Variants in MROH1 observed in about 807,000 individuals in gnomAD.
The protein encoded by MROH1 is maestro heat-like repeat-containing protein family member 1.
Under a neutral mutation model 116.5 loss-of-function variants are expected in MROH1, and 117 were observed. That is an observed-to-expected ratio of 1.00 (90% confidence interval 0.86 to 1.17). The LOEUF (loss-of-function observed/expected upper bound fraction) is 1.17, where lower values mean the gene tolerates loss of function less well. Ranked by LOEUF, MROH1 falls within the 50% of genes most tolerant of loss-of-function variation. MROH1 has a pLI of 0.00. For missense variants in MROH1, 1,873 were observed against 1,338.5 expected (o/e 1.40, Z -6.23); for synonymous variants, 921 against 583.9 (o/e 1.58, Z -8.32).
At chr8:144,241,775 C>T (rs1397498203) in intron 22 of MROH1, among the ~76,000 whole-genome samples, 4 of 152,206 alleles carry the variant, frequency 2.6e-5, no homozygotes, top group Non-Finnish European at 4.4e-5. Context: ...GAGGGGTTCG[C>T]GGCTGGGGCA....
intron 4 of MROH1, among the ~76,000 whole-genome samples, chr8:144,177,521 T>C (rs1824318002): frequency 6.6e-6 from 1 of 152,166 alleles, no homozygotes; most frequent in Admixed American, 6.6e-5. Flanking sequence ...GTAGCACTTC[T>C]CCTATGTGGG....
Position 144,250,329 on chromosome 8 carries a change from G to A in MROH1, c.3391G>A (p.Val1131Met), listed in dbSNP as rs952456110. ...GGCCACCCAGCACTGCGCAGCCGTGGTGTCCAGCCTCCTGGGCAGCCCCTT... is the reference window on the plus strand; with the variant it reads ...GGCCACCCAGCACTGCGCAGCCGTGATGTCCAGCCTCCTGGGCAGCCCCTT... ...LLATQHCAAV[V>M]SSLLGSPLPL... The change falls in exon 33 of 44, where the codon GTG becomes ATG. Residue 1131 changes from valine to methionine, a missense_variant. Physicochemically the swap from Val to Met is conservative, Grantham distance 21. Transcript: ENST00000326134. The A allele has an allele frequency of 1.3e-5, 10 of 768,016 alleles. No individual in the cohort carries two copies. Among genetic ancestry groups the A allele is most frequent in the African/African-American group, 1.0e-4 (6 of 58,964 alleles). The allele number at this position is 768,016 out of a possible 1,614,324, so 47.6% of individuals were successfully genotyped here. A position where few individuals can be genotyped will look rare whatever the true frequency, so the allele number is the denominator to read the frequency against.
At chr8:144,242,274 C>T (rs1156665415) in intron 22 of MROH1, 95 bp from the exon 23 acceptor site, 19 of 777,198 alleles carry the variant, frequency 2.4e-5, no homozygotes, top group Non-Finnish European at 4.5e-5. Flanking sequence ...TCTGGCCCTT[C>T]TTCTGGGAGG....
intron 37 of MROH1, among the ~76,000 whole-genome samples, chr8:144,259,631 C>T (rs1844604192): frequency 6.6e-6 from 1 of 152,238 alleles, no homozygotes; most frequent in Non-Finnish European, 1.5e-5. Context: ...AGGGCTGGCC[C>T]CTGGGACCCC....
At chr8:144,243,988 CGTGCATGTGT>C in intron 26 of MROH1, 46 bp downstream of exon 26, 1 of 766,950 alleles carries the variant, frequency 1.3e-6, no homozygotes, top group Non-Finnish European at 2.4e-6. Flanking sequence ...TGCGTGTGTG[CGTGCATGTGT>C]GTGCATTGTG....
In MROH1 at chr8:144,179,506, A is replaced by G. The variant is rs773145263; in HGVS notation, c.220A>G (p.Ser74Gly). 1.2e-6 allele frequency: 2 copies of G among 1,613,598 alleles called. No individual in the cohort carries two copies. The highest frequency in any genetic ancestry group is 2.2e-5 in the South Asian group (2 of 91,082). The part of the protein sequence containing the change: ...AVLRAMERVL[S>G]SRASELDKDT... ...CCTGAGGGCCATGGAGAGGGTCCTG[A>G]GCAGTCGCGCCAGTGAGCTGGACAA... The change falls in exon 5 of 44, where the codon AGC (serine) becomes GGC (glycine). Residue 74 changes from serine to glycine, a missense_variant. Coordinates refer to ENST00000326134, the MANE Select transcript of MROH1 (RefSeq NM_032450.3).
At chr8:144,247,507 C>T (rs901480619) in intron 30 of MROH1, 60 bp from the exon 31 acceptor site, 33 of 760,428 alleles carry the variant, frequency 4.3e-5, no homozygotes, top group Non-Finnish European at 7.6e-5. Context: ...GTGCGGAGTC[C>T]AGGCTGTGGG....
chr8:144,172,196 C>G (rs1055324491), intron 4 of MROH1, among the ~76,000 whole-genome samples: 1 of 152,156 alleles, frequency 6.6e-6, no homozygotes, highest in East Asian at 1.9e-4. Context: ...GAATCTCCTT[C>G]CGTTTCCAGG....
intron 10 of MROH1, among the ~76,000 whole-genome samples, chr8:144,195,084 A>G (rs527377557): frequency 1.3e-5 from 2 of 149,948 alleles, no homozygotes; most frequent in South Asian, 4.2e-4. Context: ...GGTTCCAGCT[A>G]CTTGAGAGGC....
At chr8:144,221,206 G>A (rs961432611) in intron 13 of MROH1, among the ~76,000 whole-genome samples, 7 of 152,308 alleles carry the variant, frequency 4.6e-5, no homozygotes, top group Non-Finnish European at 8.8e-5. Flanking sequence ...TGGCGCCCTC[G>A]TGGCTGAGCT....
chr8:144,168,245 A>G (rs1821438134), intron 3 of MROH1, 50 bp from the exon 4 acceptor site: 2 of 1,509,696 alleles, frequency 1.3e-6, no homozygotes, highest in Non-Finnish European at 1.8e-6. Context: ...GAGGTGTGAT[A>G]GGAGAGGGCG....
In MROH1 at chr8:144,163,739, T is replaced by C; in HGVS notation, c.-56-32T>C. 7.2e-7 allele frequency: 1 copy of C among 1,395,858 alleles called. No individual in the cohort carries two copies. The allele number at this position is 1,395,858 out of a possible 1,614,324, so 86.5% of individuals were successfully genotyped here. On this transcript the variant is annotated intron_variant, in intron 2 of 43. Transcript: ENST00000326134. This position sits in a 1 kb window ranked among gnomAD's most constrained non-coding sequence, Gnocchi z 4.4. ...TGAACTCAGATATCGTAGAGGCTTA[T>C]GAATTAAATCTTGTGATTTTGGTTA...
chr8:144,221,292 G>A (rs1836689016), intron 13 of MROH1, among the ~76,000 whole-genome samples: 1 of 152,200 alleles, frequency 6.6e-6, no homozygotes, highest in Non-Finnish European at 1.5e-5. Flanking sequence ...ACCATCTGGT[G>A]TGGCCTAAGA....
chr8:144,241,335 T>A, intron 21 of MROH1, 60 bp from the exon 22 acceptor site: 1 of 726,790 alleles, frequency 1.4e-6, no homozygotes, highest in South Asian at 1.4e-5. Context: ...CGTGACAGTG[T>A]GCGTGCATGT....
chr8:144,184,779 A>G (rs1331877302), intron 7 of MROH1, among the ~76,000 whole-genome samples: 15 of 152,162 alleles, frequency 9.9e-5, no homozygotes. Flanking sequence ...AGAAGAGGTG[A>G]GAAGAGGCCC....
intron 17 of MROH1, 21 bp from the exon 18 acceptor site, chr8:144,239,593 T>C: frequency 1.3e-6 from 1 of 771,130 alleles, no homozygotes. Flanking sequence ...CAGACCCGGC[T>C]CCCACGCTGC....
In MROH1 at chr8:144,195,273, A is replaced by G. The variant is rs1202123651; in HGVS notation, c.948+2872A>G. ...TCCCAGCACTTTGGGAGGCCAAGGC[A>G]GGCAGATCACGAGGTCAGGAGATCG... On this transcript the variant is annotated intron_variant, in intron 10 of 43. Coordinates refer to ENST00000326134, the MANE Select transcript of MROH1 (RefSeq NM_032450.3). Among the ~76,000 whole-genome samples the G allele has an allele frequency of 5.4e-5, 8 of 147,180 alleles. No homozygotes were observed. In the South Asian group the frequency reaches 1.5e-3, roughly 28 times the overall value.
At chr8:144,239,834 C>G in intron 18 of MROH1, 79 bp downstream of exon 18, 1 of 700,706 alleles carries the variant, frequency 1.4e-6, no homozygotes, top group Non-Finnish European at 2.7e-6. Flanking sequence ...AGCTCTGACC[C>G]CACCTTTGCC....
At chr8:144,220,820 C>T (rs1014150129) in intron 13 of MROH1, 147 bp downstream of exon 13, 4 of 677,844 alleles carry the variant, frequency 5.9e-6, no homozygotes, top group Non-Finnish European at 1.0e-5. Context: ...GACAGTGTGC[C>T]ATTCAGTGTG....
Sources: allele counts gnomAD v4.1 joint callset (sites outside exome capture counted in the v4.1 genomes callset), GRCh38; gene constraint gnomAD v4.1.1; non-coding constraint Gnocchi (gnomAD v3.1); transcripts MANE v1.5; gene names NCBI Gene and HGNC (gene_info 2026-07-23, HGNC 2026-07-21).